Variants in SYNPO2 observed in about 807,000 individuals in gnomAD.
SYNPO2 encodes synaptopodin-2.
In SYNPO2, 56 loss-of-function variants were observed where a neutral mutation model predicts 85.0. That is an observed-to-expected ratio of 0.66 (90% CI 0.53 to 0.82). SYNPO2 has a LOEUF of 0.82. Ranked by LOEUF, SYNPO2 falls within the 40% of genes least tolerant of loss-of-function variation. The pLI, the probability that SYNPO2 is intolerant of heterozygous loss-of-function variation, is 0.00. For missense variants in SYNPO2, 1,575 were observed against 1,534.2 expected (o/e 1.03, Z -0.44); for synonymous variants, 602 against 591.1 (o/e 1.02, Z -0.27).
intron 1 of SYNPO2, among the ~76,000 whole-genome samples, chr4:118,864,152 C>G (rs1231837050): frequency 6.6e-6 from 1 of 152,004 alleles, no homozygotes; most frequent in African/African-American, 2.4e-5. Context: ...GAATGTTGTA[C>G]TTCCATTATT....
chr4:118,914,076 A>C lies in SYNPO2; in HGVS notation c.105+24935A>C, dbSNP rs542773199. 6.6e-5 allele frequency among the ~76,000 whole-genome samples: 10 copies of C among 152,286 alleles called. 1 individual carries two copies. The East Asian group carries it at 1.3e-3, about 21-fold the overall frequency. ...CATAGACAAATTAGAAGGATATAGGATATGGATGGTGGGGTCAGGAGAGGA... is the reference window on the plus strand; with the variant it reads ...CATAGACAAATTAGAAGGATATAGGCTATGGATGGTGGGGTCAGGAGAGGA... On this transcript the variant is annotated intron_variant, in intron 1 of 4. Transcript: ENST00000307142.
chr4:118,867,661 T>G (rs1431382334), intron 1 of SYNPO2, among the ~76,000 whole-genome samples: 1 of 152,206 alleles, frequency 6.6e-6, no homozygotes, highest in African/African-American at 2.4e-5. Flanking sequence ...ATGTATTTTT[T>G]TTACATTAAA....
chr4:118,888,798 G>A (rs193054259), upstream of SYNPO2: 152 of 538,002 alleles, frequency 2.8e-4, no homozygotes, highest in Non-Finnish European at 7.9e-5. Flanking sequence ...GCAAGAGTGG[G>A]CTGTGTCCTG....
chr4:118,921,639 T>C (rs979960409), intron 1 of SYNPO2, among the ~76,000 whole-genome samples: 2 of 152,140 alleles, frequency 1.3e-5, no homozygotes, highest in African/African-American at 4.8e-5. Context: ...ACTCCCTCCA[T>C]AGCAAAGCCA....
In SYNPO2 at chr4:118,890,733, C is replaced by CTCTCTCTCTGTGTGTG. The variant is rs749295331; in HGVS notation, c.105+1593_105+1594insCTCTCTCTGTGTGTGT. ...TCTCTCTCTCTCTCTCTCTCTCTCT[C>CTCTCTCTCTGTGTGTG]TGTGTGTGTGTGTGTGTGTGTGTAG... is the stretch of plus-strand genomic sequence containing the variant. On this transcript the variant is annotated intron_variant, in intron 1 of 4. Transcript: ENST00000307142. Among the ~76,000 whole-genome samples the CTCTCTCTCTGTGTGTG allele has an allele frequency of 8.0e-4, 101 of 126,210 alleles. 1 individual carries two copies. The highest frequency in any genetic ancestry group is 2.9e-3 in the African/African-American group (97 of 33,400). The allele number at this position is 126,210 out of a possible 152,430, so 82.8% of individuals were successfully genotyped here. A position where few individuals can be genotyped will look rare whatever the true frequency, so the allele number is the denominator to read the frequency against.
At chr4:119,041,582 C>T (rs1221528701) in intron 4 of SYNPO2, among the ~76,000 whole-genome samples, 2 of 152,028 alleles carry the variant, frequency 1.3e-5, no homozygotes, top group African/African-American at 2.4e-5. Flanking sequence ...CCAATATGGG[C>T]TAGATTTTGA....
chr4:118,882,865 G>C (rs1347110454), intron 1 of SYNPO2, among the ~76,000 whole-genome samples: 2 of 151,924 alleles, frequency 1.3e-5, no homozygotes, highest in Non-Finnish European at 2.9e-5. Context: ...CACCTCCCGG[G>C]TTCATGCCAT....
chr4:118,912,928 T>C (rs1308095401), intron 1 of SYNPO2, among the ~76,000 whole-genome samples: 1 of 152,224 alleles, frequency 6.6e-6, no homozygotes, highest in East Asian at 1.9e-4. Context: ...AATTATTTTT[T>C]CATGTAATTT....
intron 1 of SYNPO2, among the ~76,000 whole-genome samples, chr4:118,877,360 G>A (rs117408039): frequency 3.3e-5 from 5 of 152,072 alleles, no homozygotes; most frequent in East Asian, 1.9e-4. Flanking sequence ...ATTGACAAAC[G>A]GGACCCAAAT....
At position 119,059,508 on chromosome 4, in the gene SYNPO2, T is replaced by TA. The variant is rs1561040108; in HGVS notation, c.*1581dup. On this transcript the variant is annotated 3_prime_UTR_variant, in exon 5 of 5. Transcript: ENST00000307142. ...TGCCATACCCACGAACTGTTAAATA[T>TA]AAAAAAATTCAAAGTATTTGACATC... 1 of 152,020 alleles carries TA rather than the reference T, an allele frequency of 6.6e-6. No individual in the cohort carries two copies. The highest frequency in any genetic ancestry group is 1.5e-5 in the Non-Finnish European group (1 of 67,992). The allele number at this position is 152,020 out of a possible 1,614,324, so 9.4% of individuals were successfully genotyped here.
At chr4:118,978,910 G>C (rs995035352) in intron 1 of SYNPO2, among the ~76,000 whole-genome samples, 2 of 151,852 alleles carry the variant, frequency 1.3e-5, no homozygotes, top group African/African-American at 4.8e-5. Context: ...TTTATCCTAT[G>C]TAGTGCCCTT....
intron 1 of SYNPO2, among the ~76,000 whole-genome samples, chr4:119,008,653 A>G (rs1737171234): frequency 6.6e-6 from 1 of 152,172 alleles, no homozygotes; most frequent in African/African-American, 2.4e-5. Context: ...ATTTTGTTTT[A>G]CAAACAATTT....
At chr4:119,003,888 T>C (rs745380713) in intron 1 of SYNPO2, among the ~76,000 whole-genome samples, 2 of 152,170 alleles carry the variant, frequency 1.3e-5, no homozygotes, top group Non-Finnish European at 2.9e-5. Context: ...GGAGCCCAGA[T>C]ACGACATGGC....
chr4:118,854,754 C>A (rs1419178466), intron 1 of SYNPO2, among the ~76,000 whole-genome samples: 2 of 152,100 alleles, frequency 1.3e-5, no homozygotes, highest in Non-Finnish European at 2.9e-5. Flanking sequence ...CCTGAAAGAG[C>A]TAACAACTGA....
intron 1 of SYNPO2, among the ~76,000 whole-genome samples, chr4:118,990,952 C>T (rs994962204): frequency 1.3e-5 from 2 of 152,010 alleles, no homozygotes; most frequent in African/African-American, 2.4e-5. Context: ...CAGGGGCTTC[C>T]GGCAAGAGCA....
At chr4:118,893,960 G>A (rs775511045) in intron 1 of SYNPO2, among the ~76,000 whole-genome samples, 2 of 151,298 alleles carry the variant, frequency 1.3e-5, no homozygotes, top group African/African-American at 2.4e-5. Context: ...ACTACATCAC[G>A]TTGTACCCCA....
intron 1 of SYNPO2, among the ~76,000 whole-genome samples, chr4:118,913,708 A>G (rs1285939239): frequency 1.3e-5 from 2 of 152,090 alleles, no homozygotes; most frequent in Non-Finnish European, 2.9e-5. Context: ...CATTGTGAGA[A>G]AAGCCATAAT....
intron 1 of SYNPO2, among the ~76,000 whole-genome samples, chr4:119,003,636 T>A (rs1206601302): frequency 6.6e-6 from 1 of 152,182 alleles, no homozygotes; most frequent in African/African-American, 2.4e-5. Context: ...AGTAATAACA[T>A]TTTTTGACAT....
At chr4:118,906,432 T>A (rs1036873390) in intron 1 of SYNPO2, among the ~76,000 whole-genome samples, 2 of 152,182 alleles carry the variant, frequency 1.3e-5, no homozygotes, top group Non-Finnish European at 2.9e-5. Flanking sequence ...CTTAACTATA[T>A]CACTGACACT....
Sources: gnomAD v4.1 joint callset for allele counts (sites outside exome capture counted in the v4.1 genomes callset) on GRCh38, gnomAD v4.1.1 for gene constraint, MANE v1.5 for transcripts, NCBI Gene and HGNC (gene_info 2026-07-23, HGNC 2026-07-21) for gene names.